The following TBC1D22A variants were observed in gnomAD, a reference collection of about 807,000 sequenced individuals.
The protein encoded by TBC1D22A is TBC1 domain family member 22A.
Under a neutral mutation model 60.2 loss-of-function variants are expected in TBC1D22A, and 38 were observed. The observed-to-expected ratio is 0.63, with a 90% confidence interval of 0.49 to 0.83. TBC1D22A has a LOEUF of 0.83. TBC1D22A is among the 40% of genes least tolerant of loss of function. The pLI is 0.00. For missense variants in TBC1D22A, 628 were observed against 701.0 expected, an observed-to-expected ratio of 0.90 and a Z score of 1.18; for synonymous variants, 302 against 281.7, an observed-to-expected ratio of 1.07 and a Z score of -0.72.
At chr22:46,800,837 G>T (rs2084867512) in intron 4 of TBC1D22A, among the ~76,000 whole-genome samples, 1 of 152,178 alleles carries the variant, frequency 6.6e-6, no homozygotes, top group Non-Finnish European at 1.5e-5. Flanking sequence ...ACGAGTCAAG[G>T]ACTTACAGAT....
chr22:46,816,258 A>G (rs2085595974), intron 4 of TBC1D22A, among the ~76,000 whole-genome samples: 1 of 151,916 alleles, frequency 6.6e-6, no homozygotes, highest in African/African-American at 2.4e-5. Context: ...TCGTTCCCCC[A>G]CACTTTGGTT....
chr22:47,147,342 G>T (rs1038421166), intron 12 of TBC1D22A, among the ~76,000 whole-genome samples: 1 of 152,234 alleles, frequency 6.6e-6, no homozygotes. Context: ...AACCATTTCT[G>T]TGACTCCTGT....
At chr22:46,794,794 C>T (rs1174986721) in intron 3 of TBC1D22A, among the ~76,000 whole-genome samples, 1 of 152,118 alleles carries the variant, frequency 6.6e-6, no homozygotes. Flanking sequence ...GTCTTCGTGT[C>T]AGTGGTGCTG....
At position 46,950,008 on chromosome 22, in the gene TBC1D22A, G is replaced by T. The variant is rs1362670963; in HGVS notation, c.1016-24282G>T. Among the ~76,000 whole-genome samples, 6 of 152,342 alleles carry T rather than the reference G, an allele frequency of 3.9e-5. No individual in the cohort carries two copies. The East Asian group carries it at 1.2e-3, about 29-fold the overall frequency. ...AGTGGAGGGACATTGGTTAACGTGG[G>T]TTAACATGGCCTTTTTTGAAAAGGG... On this transcript the variant is annotated intron_variant, in intron 8 of 12. Transcript: ENST00000337137.
chr22:46,857,536 T>G (rs1468313709), intron 4 of TBC1D22A, among the ~76,000 whole-genome samples: 1 of 152,238 alleles, frequency 6.6e-6, no homozygotes, highest in Non-Finnish European at 1.5e-5. Context: ...CCATTTAAAG[T>G]GTACAATTCA....
rs569972861 is a variant in TBC1D22A, at chr22:46,975,214, C to T, written c.1125+815C>T. ...CCTGTGAGGTGCTGTGCTCCACACC[C>T]GGGCATAGTGGCGAGTAAGGGTGAG... On this transcript the variant is annotated intron_variant, in intron 9 of 12. Transcript: ENST00000337137. Among the ~76,000 whole-genome samples the T allele has an allele frequency of 5.3e-5, 8 of 152,178 alleles. No homozygotes were observed. The South Asian group carries it at 8.3e-4, about 16-fold the overall frequency.
chr22:47,013,424 A>T (rs993316615), intron 10 of TBC1D22A, among the ~76,000 whole-genome samples: 1 of 152,178 alleles, frequency 6.6e-6, no homozygotes, highest in African/African-American at 2.4e-5. Flanking sequence ...ACATACAAAT[A>T]AAGTGATTCT....
chr22:46,976,458 C>T (rs1164508748), intron 9 of TBC1D22A, among the ~76,000 whole-genome samples: 1 of 152,210 alleles, frequency 6.6e-6, no homozygotes, highest in East Asian at 1.9e-4. Flanking sequence ...GTAGATAAGG[C>T]CGTCCGAGCA....
At chr22:47,048,735 TG>T (rs2063108892) in intron 11 of TBC1D22A, among the ~76,000 whole-genome samples, 2 of 152,064 alleles carry the variant, frequency 1.3e-5, no homozygotes, top group Non-Finnish European at 2.9e-5. Context: ...CAGGGTGGGA[TG>T]GGGACAGGCT....
At chr22:46,797,326 C>A in intron 3 of TBC1D22A, 118 bp from the exon 4 acceptor site, 1 of 1,138,222 alleles carries the variant, frequency 8.8e-7, no homozygotes. Flanking sequence ...GTCCCCACTG[C>A]TGAGTGATGG....
chr22:47,071,716 G>C (rs535823346), intron 11 of TBC1D22A, among the ~76,000 whole-genome samples: 1 of 152,328 alleles, frequency 6.6e-6, no homozygotes, highest in East Asian at 1.9e-4. Flanking sequence ...GCTGTGGTTT[G>C]TTGCGGTTCT....
intron 11 of TBC1D22A, among the ~76,000 whole-genome samples, chr22:47,097,793 G>A (rs1426556632): frequency 2.0e-5 from 3 of 152,004 alleles, no homozygotes; most frequent in Non-Finnish European, 4.4e-5. Context: ...GCATATATTT[G>A]TGTAATATAT....
intron 10 of TBC1D22A, among the ~76,000 whole-genome samples, chr22:47,036,818 G>A (rs552972876): frequency 1.3e-5 from 2 of 152,360 alleles, no homozygotes; most frequent in South Asian, 2.1e-4. Flanking sequence ...AGGGCGTGAA[G>A]CACCCGAACA....
chr22:47,039,798 C>T (rs9615450), intron 11 of TBC1D22A, among the ~76,000 whole-genome samples: 44,237 of 150,734 alleles, frequency 0.29, 6,982 homozygotes, highest in Middle Eastern at 0.56. Context: ...AGAGGCTGTA[C>T]GGAAGGTATA....
chr22:46,982,387 C>T (rs2074549724), intron 9 of TBC1D22A, among the ~76,000 whole-genome samples: 1 of 152,098 alleles, frequency 6.6e-6, no homozygotes, highest in African/African-American at 2.4e-5. Flanking sequence ...CCACGCCCGG[C>T]TAATTTTTAT....
chr22:46,938,247 T>A (rs1233819842), intron 8 of TBC1D22A, among the ~76,000 whole-genome samples: 1 of 152,222 alleles, frequency 6.6e-6, no homozygotes, highest in African/African-American at 2.4e-5. Flanking sequence ...GTACCTTTTC[T>A]GTGTTTAGAT....
At chr22:47,139,265 G>T (rs148363491) in intron 12 of TBC1D22A, among the ~76,000 whole-genome samples, 3 of 152,216 alleles carry the variant, frequency 2.0e-5, no homozygotes, top group Admixed American at 2.0e-4. Flanking sequence ...CCAGTTGCCC[G>T]CACGGAACTG....
chr22:46,970,860 C>T (rs2072217640), intron 8 of TBC1D22A, among the ~76,000 whole-genome samples: 3 of 152,166 alleles, frequency 2.0e-5, no homozygotes, highest in Admixed American at 2.0e-4. Context: ...GACAGGGCTC[C>T]TCTGGGTGGC....
chr22:46,780,528 A>G (rs1386184778), intron 1 of TBC1D22A, among the ~76,000 whole-genome samples: 2 of 152,168 alleles, frequency 1.3e-5, no homozygotes, highest in Non-Finnish European at 2.9e-5. Flanking sequence ...CCAGAAAAAC[A>G]TTCTGCAGGA....
Sources: allele counts gnomAD v4.1 joint callset (sites outside exome capture counted in the v4.1 genomes callset), GRCh38; gene constraint gnomAD v4.1.1; transcripts MANE v1.5; gene names NCBI Gene and HGNC (gene_info 2026-07-23, HGNC 2026-07-21).